Variants in SBF2 observed in about 807,000 individuals in gnomAD.
SBF2 encodes the protein SET binding factor 2.
SBF2 carries 112 observed loss-of-function variants against 225.2 expected under a neutral mutation model. That is an observed-to-expected ratio of 0.50 (90% confidence interval 0.43 to 0.58). SBF2 has a LOEUF of 0.58. Among genes scored for constraint, SBF2 ranks in the 20% least tolerant of loss-of-function variants. The pLI is 0.00. For synonymous variants in SBF2, 763 were observed against 773.3 expected (o/e 0.99, Z 0.22); for missense variants, 1,996 against 2,206.2 (o/e 0.90, Z 1.91).
At position 10,169,579 on chromosome 11, in the gene SBF2, T is replaced by C. The variant is rs147908320; in HGVS notation, c.141+24323A>G. On this transcript the variant is annotated intron_variant, in intron 2 of 39. Transcript: ENST00000256190. ...CACATTTTCTTTATCCGTTTGTCTGTTGATGGACACTTAGGTTGCTTCCAA... is the reference window on the plus strand; with the variant it reads ...CACATTTTCTTTATCCGTTTGTCTGCTGATGGACACTTAGGTTGCTTCCAA... 7.5e-4 allele frequency among the ~76,000 whole-genome samples: 114 copies of C among 152,332 alleles called. No homozygotes were observed. In the East Asian group the frequency reaches 0.018, roughly 24 times the overall value.
At chr11:9,996,883 A>C (rs7926141) in intron 9 of SBF2, among the ~76,000 whole-genome samples, 40,797 of 152,152 alleles carry the variant, frequency 0.27, 5,568 homozygotes, top group Middle Eastern at 0.33. Flanking sequence ...AAAACATTCA[A>C]CCTACAGGTA....
chr11:10,065,715 G>T (rs1183017726), intron 2 of SBF2, among the ~76,000 whole-genome samples: 1 of 152,144 alleles, frequency 6.6e-6, no homozygotes, highest in East Asian at 1.9e-4. Flanking sequence ...ACTTTGGGAG[G>T]CCAAGGCAGG....
chr11:10,023,138 TATC>T (rs1382667254), intron 6 of SBF2, among the ~76,000 whole-genome samples: 1 of 152,194 alleles, frequency 6.6e-6, no homozygotes, highest in Non-Finnish European at 1.5e-5. Context: ...TACTATTGGT[TATC>T]ATTTTTTTCT....
chr11:9,961,211 AT>A (rs1252404921), intron 16 of SBF2: 9 of 152,336 alleles, frequency 5.9e-5, no homozygotes, highest in Admixed American at 1.3e-4. Flanking sequence ...CATAAATTTG[AT>A]TAATTATATC....
intron 3 of SBF2, among the ~76,000 whole-genome samples, chr11:10,039,026 A>G (rs2134666705): frequency 6.6e-6 from 1 of 152,014 alleles, no homozygotes; most frequent in East Asian, 1.9e-4. Context: ...CATATTATCA[A>G]AAGTTTAATG....
intron 2 of SBF2, among the ~76,000 whole-genome samples, chr11:10,179,994 T>C (rs1346597619): frequency 6.6e-6 from 1 of 152,218 alleles, no homozygotes; most frequent in African/African-American, 2.4e-5. Context: ...ATAAAAACTC[T>C]ATACTTTAAC....
At chr11:10,061,763 T>G (rs1380421179) in intron 2 of SBF2, among the ~76,000 whole-genome samples, 1 of 152,148 alleles carries the variant, frequency 6.6e-6, no homozygotes, top group African/African-American at 2.4e-5. Flanking sequence ...AATGGCTACC[T>G]TGCCCAAAGC....
chr11:9,916,922 T>C (rs1346150536), intron 16 of SBF2, among the ~76,000 whole-genome samples: 1 of 151,916 alleles, frequency 6.6e-6, no homozygotes, highest in East Asian at 1.9e-4. Context: ...AATTGGATAC[T>C]AGTCAGAAGA....
chr11:10,174,981 A>T (rs1035159644), intron 2 of SBF2, among the ~76,000 whole-genome samples: 2 of 152,108 alleles, frequency 1.3e-5, no homozygotes, highest in African/African-American at 2.4e-5. Context: ...TGTCACCACC[A>T]GGCCTGCCCT....
At chr11:9,996,669 G>A (rs1364546246) in intron 9 of SBF2, among the ~76,000 whole-genome samples, 2 of 152,138 alleles carry the variant, frequency 1.3e-5, no homozygotes, top group Admixed American at 6.5e-5. Context: ...GATTACAGGC[G>A]TGAGCCACCG....
rs747102118 is a variant in SBF2, at chr11:10,042,893, C to T, written c.230G>A (p.Arg77Gln). 8 of 1,613,938 alleles carry T rather than the reference C, an allele frequency of 5.0e-6. No individual in the cohort carries two copies. Among genetic ancestry groups the T allele is most frequent in the East Asian group, 2.2e-5 (1 of 44,872 alleles). The change falls in exon 3 of 40, where the codon CGA becomes CAA. Residue 77 changes from arginine (R) to glutamine (Q), a missense_variant. Physicochemically the swap from Arg to Gln is conservative, Grantham distance 43. Transcript: ENST00000256190. ...GAAGGTTAGGCATGAGCAGTAATGT[C>T]GATCTGAGTCAATGTCTGTCAGGAC... ...VVVLTDIDSDRHYCSCLTFYE... is the reference protein window; with the variant it reads ...VVVLTDIDSDQHYCSCLTFYE...
chr11:9,982,099 C>A (rs1946982714), intron 13 of SBF2, among the ~76,000 whole-genome samples: 1 of 152,234 alleles, frequency 6.6e-6, no homozygotes, highest in African/African-American at 2.4e-5. Context: ...TTTTAACTTA[C>A]TGCATTTCCT....
intron 1 of SBF2, among the ~76,000 whole-genome samples, chr11:10,250,664 A>G (rs1455425303): frequency 6.6e-6 from 1 of 152,198 alleles, no homozygotes; most frequent in East Asian, 1.9e-4. Flanking sequence ...TTATTACGCC[A>G]CAGTATATTT....
chr11:10,220,028 A>C (rs1449287225), intron 1 of SBF2, among the ~76,000 whole-genome samples: 1 of 152,112 alleles, frequency 6.6e-6, no homozygotes, highest in Non-Finnish European at 1.5e-5. Flanking sequence ...GTATCAATTT[A>C]CTGTTTTAAT....
rs1411826795 is a variant in SBF2 at position 9,845,626 on chromosome 11, C to T, written c.3049G>A (p.Ala1017Thr). The T allele has an allele frequency of 2.5e-6, 4 of 1,613,850 alleles. No homozygotes were observed. In the African/African-American group the frequency reaches 5.3e-5, roughly 22 times the overall value. ...ATTATTTGTGGGGTAGTTTGTCCAGCAGCAAAAGCAAAGGTACTGAAAATG... is the reference window on the plus strand; with the variant it reads ...ATTATTTGTGGGGTAGTTTGTCCAGTAGCAAAAGCAAAGGTACTGAAAATG... ...QSIFSTFAFA[A>T]GQTTPQIILP... is the part of the protein sequence containing the mutation. The change falls in exon 24 of 40, where the codon GCT becomes ACT. Residue 1017 changes from alanine (A) to threonine (T), a missense_variant. Physicochemically the swap from Ala to Thr is moderately conservative, Grantham distance 58. Coordinates refer to ENST00000256190, the MANE Select transcript of SBF2 (RefSeq NM_030962.4).
At chr11:9,871,830 G>C (rs566735517) in intron 17 of SBF2, among the ~76,000 whole-genome samples, 22 of 152,214 alleles carry the variant, frequency 1.4e-4, no homozygotes, top group African/African-American at 5.1e-4. Context: ...ACAGATGTTG[G>C]TGAGGTTGCA....
At chr11:9,991,166 A>G (rs1012524889) in intron 12 of SBF2, among the ~76,000 whole-genome samples, 2 of 152,236 alleles carry the variant, frequency 1.3e-5, no homozygotes, top group Non-Finnish European at 2.9e-5. Flanking sequence ...CTGATATGTT[A>G]GTAGAATCAA....
intron 17 of SBF2, among the ~76,000 whole-genome samples, chr11:9,874,838 G>A (rs1049361309): frequency 1.3e-5 from 2 of 152,156 alleles, no homozygotes; most frequent in Non-Finnish European, 2.9e-5. Context: ...TGACTTGCAT[G>A]TACATCTGCT....
intron 19 of SBF2, among the ~76,000 whole-genome samples, chr11:9,856,080 G>T (rs1031699856): frequency 6.6e-6 from 1 of 152,130 alleles, no homozygotes; most frequent in Non-Finnish European, 1.5e-5. Context: ...CATGGTTGAG[G>T]GTATGACTAC....
Sources: allele counts gnomAD v4.1 joint callset (sites outside exome capture counted in the v4.1 genomes callset), GRCh38; gene constraint gnomAD v4.1.1; transcripts MANE v1.5; gene names NCBI Gene and HGNC (gene_info 2026-07-23, HGNC 2026-07-21).